Variants in KCNJ6 observed in about 807,000 individuals in gnomAD.
The protein encoded by KCNJ6 is G protein-activated inward rectifier potassium channel 2.
A neutral mutation model predicts 34.2 loss-of-function variants in KCNJ6; 9 were observed. That is an observed-to-expected ratio of 0.26 (90% CI 0.16 to 0.46). The LOEUF (loss-of-function observed/expected upper bound fraction) is 0.46. Ranked by LOEUF, KCNJ6 falls within the 20% of genes least tolerant of loss-of-function variation. The probability of loss-of-function intolerance (pLI) is 1.00; values close to 1 mark genes in which losing one functional copy is unlikely to be tolerated. For missense variants in KCNJ6, 236 were observed against 531.3 expected (o/e 0.44, Z 5.46); for synonymous variants, 196 against 207.1 (o/e 0.95, Z 0.46).
intron 2 of KCNJ6, among the ~76,000 whole-genome samples, chr21:37,742,220 G>A (rs576827949): frequency 6.6e-6 from 1 of 152,346 alleles, no homozygotes; most frequent in East Asian, 1.9e-4. Context: ...TGGGCCAATT[G>A]TTACAGAAGT....
intron 2 of KCNJ6, among the ~76,000 whole-genome samples, chr21:37,812,034 G>A (rs761208438): frequency 6.6e-6 from 1 of 152,144 alleles, no homozygotes; most frequent in South Asian, 2.1e-4. Flanking sequence ...GAAGGGAATA[G>A]TCTCAGACAT....
intron 2 of KCNJ6, among the ~76,000 whole-genome samples, chr21:37,821,220 T>A (rs976789868): frequency 3.9e-5 from 6 of 152,198 alleles, no homozygotes; most frequent in Non-Finnish European, 8.8e-5. Flanking sequence ...GAATTTCACA[T>A]AACAAAAAAT....
chr21:37,909,548 T>C (rs1362220985), intron 1 of KCNJ6, among the ~76,000 whole-genome samples: 2 of 152,094 alleles, frequency 1.3e-5, no homozygotes, highest in South Asian at 2.1e-4. Flanking sequence ...GTATTTTTAG[T>C]AGAGATGGGG....
Position 37,840,673 on chromosome 21 carries a change from G to C in KCNJ6, c.10C>G (p.Leu4Val). The C allele has an allele frequency of 6.2e-7, 1 of 1,603,800 alleles. No homozygotes were observed. Among genetic ancestry groups the C allele is most frequent in the South Asian group, 1.1e-5 (1 of 89,930 alleles). Residue 4 changes from leucine (L) to valine (V), a missense_variant, in exon 2 of 4, where the codon CTG becomes GTG. Transcript: ENST00000609713. ...AGCTACTCACTCATGGATTCTGTCA[G>C]CTTGGCCATTGTTGCAGTTTCTTCT... MAK[L>V]TESMTNVLEG...
intron 2 of KCNJ6, among the ~76,000 whole-genome samples, chr21:37,834,330 A>G (rs1191116025): frequency 6.6e-6 from 1 of 152,210 alleles, no homozygotes; most frequent in Non-Finnish European, 1.5e-5. Flanking sequence ...ATGACGTTCT[A>G]GCACTTACAG....
chr21:37,837,901 A>G (rs1350021788), intron 2 of KCNJ6, among the ~76,000 whole-genome samples: 1 of 152,204 alleles, frequency 6.6e-6, no homozygotes, highest in Non-Finnish European at 1.5e-5. Flanking sequence ...TTTAATTTAA[A>G]TGAAATGTTT....
intron 1 of KCNJ6, among the ~76,000 whole-genome samples, chr21:37,905,773 T>C (rs3787869): frequency 0.075 from 11,415 of 152,304 alleles, 445 homozygotes; most frequent in African/African-American, 0.081. Flanking sequence ...CATTTTTTTC[T>C]CTATGTCCCC....
At chr21:37,775,647 G>T (rs1226430504) in intron 2 of KCNJ6, among the ~76,000 whole-genome samples, 1 of 152,164 alleles carries the variant, frequency 6.6e-6, no homozygotes, top group Non-Finnish European at 1.5e-5. Flanking sequence ...GTTTGTCAAA[G>T]ATCAGATAGT....
intron 1 of KCNJ6, among the ~76,000 whole-genome samples, chr21:37,887,700 G>A (rs1166600965): frequency 6.6e-6 from 1 of 152,222 alleles, no homozygotes; most frequent in Admixed American, 6.5e-5. Context: ...TGGATGTGAA[G>A]GGGCAAATTT....
At chr21:37,739,982 C>A (rs1244397554) in intron 2 of KCNJ6, among the ~76,000 whole-genome samples, 2 of 151,916 alleles carry the variant, frequency 1.3e-5, no homozygotes, top group East Asian at 3.9e-4. Context: ...CTTTGAAGCA[C>A]CTGTGGCAAC....
rs115066637 is a variant in KCNJ6, at chr21:37,900,442, C to T, written c.-28+15442G>A. On this transcript the variant is annotated intron_variant, in intron 1 of 3. Transcript: ENST00000609713. ...ACTAGGGAAACATCAGTGAACAAAACGAACAAAAGAACTCTACCCCTAGGA... is the reference window on the plus strand; with the variant it reads ...ACTAGGGAAACATCAGTGAACAAAATGAACAAAAGAACTCTACCCCTAGGA... Among the ~76,000 whole-genome samples the T allele has an allele frequency of 7.0e-3, 1,062 of 152,276 alleles. 18 individuals carry two copies. The highest frequency in any genetic ancestry group is 0.024 in the African/African-American group (1,006 of 41,548).
chr21:37,669,515 T>G (rs8134478), intron 3 of KCNJ6, among the ~76,000 whole-genome samples: 72,971 of 151,876 alleles, frequency 0.48, 18,364 homozygotes, highest in African/African-American at 0.64. Flanking sequence ...TTGATGCCAA[T>G]CAGTTCTTTG....
intron 1 of KCNJ6, among the ~76,000 whole-genome samples, chr21:37,867,748 G>A (rs926633238): frequency 9.9e-5 from 15 of 152,284 alleles, no homozygotes; most frequent in South Asian, 4.1e-4. Flanking sequence ...AAGGTTACAC[G>A]GTAAATATAT....
Position 37,609,572 on chromosome 21 carries a change from ATTATC to A in KCNJ6, c.*15582_*15586del, listed in dbSNP as rs2054235358. 6.6e-6 allele frequency: 1 copy of A among 152,192 alleles called. No individual in the cohort carries two copies. The highest frequency in any genetic ancestry group is 1.5e-5 in the Non-Finnish European group (1 of 68,036). 9.4% of individuals were successfully genotyped at this position (152,192 alleles called of 1,614,324 possible). A position where few individuals can be genotyped will look rare whatever the true frequency, so the allele number is the denominator to read the frequency against. ...TTATTAGGAAAGACAAATACAATGA[ATTATC>A]TTATGATTAATAATGAAAAGTGGCC... On this transcript the variant is annotated 3_prime_UTR_variant, in exon 4 of 4. Coordinates refer to ENST00000609713, the MANE Select transcript of KCNJ6 (RefSeq NM_002240.5).
chr21:37,609,135 T>A lies in KCNJ6; in HGVS notation c.*16024A>T, dbSNP rs947708445. 3.9e-5 allele frequency: 6 copies of A among 152,242 alleles called. No individual in the cohort carries two copies. The highest frequency in any genetic ancestry group is 1.4e-4 in the African/African-American group (6 of 41,462). The allele number at this position is 152,242 out of a possible 1,614,324, so 9.4% of individuals were successfully genotyped here. On this transcript the variant is annotated 3_prime_UTR_variant, in exon 4 of 4. Coordinates refer to ENST00000609713, the MANE Select transcript of KCNJ6 (RefSeq NM_002240.5). Reference sequence around the variant, plus strand: ...ACAAAGTTGAGGATCAAGTATCATCTGTGCTTCATTTCTTTTGGGAAGATG... The same window carrying A: ...ACAAAGTTGAGGATCAAGTATCATCAGTGCTTCATTTCTTTTGGGAAGATG...
At chr21:37,893,123 G>A (rs1373112550) in intron 1 of KCNJ6, among the ~76,000 whole-genome samples, 2 of 151,680 alleles carry the variant, frequency 1.3e-5, no homozygotes, top group African/African-American at 4.8e-5. Flanking sequence ...CAAAGTGCTG[G>A]GATTACAGCC....
chr21:37,793,571 AGAGT>A (rs147665919), intron 2 of KCNJ6, among the ~76,000 whole-genome samples: 2,604 of 146,268 alleles, frequency 0.018, 63 homozygotes, highest in Non-Finnish European at 0.029. Context: ...AAAAAAAAAA[AGAGT>A]GAGAGCTATC....
At chr21:37,892,744 G>A (rs1027596276) in intron 1 of KCNJ6, among the ~76,000 whole-genome samples, 1 of 152,158 alleles carries the variant, frequency 6.6e-6, no homozygotes, top group Non-Finnish European at 1.5e-5. Flanking sequence ...GTTGACCCTG[G>A]CAATGAGGTA....
In KCNJ6 at chr21:37,619,774, T is replaced by A. The variant is rs907440311; in HGVS notation, c.*5385A>T. ...GAGCAGAGACTGGCAGCCTGAGCTATGTACATCATCCAACGCCTGAGGGTG... is the reference window on the plus strand; with the variant it reads ...GAGCAGAGACTGGCAGCCTGAGCTAAGTACATCATCCAACGCCTGAGGGTG... On this transcript the variant is annotated 3_prime_UTR_variant, in exon 4 of 4. Transcript: ENST00000609713. The A allele has an allele frequency of 7.9e-5, 12 of 152,398 alleles. No homozygotes were observed. Among genetic ancestry groups the A allele is most frequent in the Admixed American group, 7.2e-4 (11 of 15,306 alleles). 9.4% of individuals were successfully genotyped at this position (152,398 alleles called of 1,614,324 possible).
Sources: gnomAD v4.1 joint callset for allele counts (sites outside exome capture counted in the v4.1 genomes callset) on GRCh38, gnomAD v4.1.1 for gene constraint, MANE v1.5 for transcripts, NCBI Gene and HGNC (gene_info 2026-07-23, HGNC 2026-07-21) for gene names.